FBXL7: variants seen among roughly 807,000 people sequenced by gnomAD.
FBXL7 encodes the protein F-box/LRR-repeat protein 7.
FBXL7 carries 12 observed loss-of-function variants against 38.3 expected under a neutral mutation model. The observed-to-expected ratio is 0.31, with a 90% CI of 0.20 to 0.51. The LOEUF is 0.51. Among genes scored for constraint, FBXL7 ranks in the 20% least tolerant of loss-of-function variants. The pLI is 0.98. For missense variants in FBXL7, 567 were observed against 676.4 expected, an observed-to-expected ratio of 0.84 and a Z score of 1.79; for synonymous variants, 297 against 300.9, an observed-to-expected ratio of 0.99 and a Z score of 0.13.
chr5:15,922,335 G>A (rs1439844394), intron 2 of FBXL7, among the ~76,000 whole-genome samples: 2 of 151,552 alleles, frequency 1.3e-5, no homozygotes, highest in African/African-American at 4.8e-5. Context: ...TAAAAATTGG[G>A]GCATTTTTTT....
intron 2 of FBXL7, among the ~76,000 whole-genome samples, chr5:15,783,059 A>G (rs1386011988): frequency 7.2e-5 from 11 of 152,096 alleles, no homozygotes; most frequent in Admixed American, 7.2e-4. Context: ...TGGAGCTATG[A>G]AATTTGGGGG....
intron 2 of FBXL7, among the ~76,000 whole-genome samples, chr5:15,787,171 A>G (rs1561126404): frequency 6.6e-6 from 1 of 152,128 alleles, no homozygotes; most frequent in Non-Finnish European, 1.5e-5. Flanking sequence ...GAGAGAGTAC[A>G]TTTCTGTTGT....
Position 15,851,846 on chromosome 5 carries a change from AC to A in FBXL7, c.128-76043del, listed in dbSNP as rs1739104960. Among the ~76,000 whole-genome samples, 18 of 149,752 alleles carry A rather than the reference AC, an allele frequency of 1.2e-4. No individual in the cohort carries two copies. The South Asian group carries it at 3.8e-3, about 32-fold the overall frequency. On this transcript the variant is annotated intron_variant, in intron 2 of 3. Coordinates refer to ENST00000504595, the MANE Select transcript of FBXL7 (RefSeq NM_012304.5). ...CACACACACACACACACACACACAC[AC>A]ACAAAGTTCCTTGGCTAGTTTTTTT...
intron 2 of FBXL7, among the ~76,000 whole-genome samples, chr5:15,914,153 G>A (rs1361406469): frequency 2.0e-5 from 3 of 152,212 alleles, no homozygotes; most frequent in East Asian, 1.9e-4. Context: ...TTGGGAGGCC[G>A]AGGCGGGCGG....
At position 15,612,127 on chromosome 5, in the gene FBXL7, C is replaced by T. The variant is rs372994833; in HGVS notation, c.38-3856C>T. On this transcript the variant is annotated intron_variant, in intron 1 of 3. Coordinates refer to ENST00000504595, the MANE Select transcript of FBXL7 (RefSeq NM_012304.5). Reference sequence around the variant, plus strand: ...TCCTAAGGGGACACAATCCACCCCCCCAAGAAACAATGTATTAAGCAGAAT... The same window carrying T: ...TCCTAAGGGGACACAATCCACCCCCTCAAGAAACAATGTATTAAGCAGAAT... Among the ~76,000 whole-genome samples the T allele has an allele frequency of 3.9e-3, 593 of 152,064 alleles. 6 individuals carry two copies. Among genetic ancestry groups the T allele is most frequent in the African/African-American group, 0.014 (574 of 41,458 alleles).
intron 1 of FBXL7, among the ~76,000 whole-genome samples, chr5:15,548,918 T>G (rs888228945): frequency 6.6e-6 from 1 of 152,194 alleles, no homozygotes; most frequent in Non-Finnish European, 1.5e-5. Flanking sequence ...CGGGGGTGAC[T>G]GCACCTGTAA....
intron 2 of FBXL7, among the ~76,000 whole-genome samples, chr5:15,794,966 A>G (rs1277021604): frequency 1.3e-5 from 2 of 152,180 alleles, no homozygotes; most frequent in Non-Finnish European, 1.5e-5. Flanking sequence ...GTTTTGTTTT[A>G]GCTTTATTGC....
intron 1 of FBXL7, among the ~76,000 whole-genome samples, chr5:15,533,020 G>A (rs1737473899): frequency 6.6e-6 from 1 of 152,178 alleles, no homozygotes; most frequent in Admixed American, 6.5e-5. Flanking sequence ...AAGATTTGGG[G>A]AAGGCTAATG....
At chr5:15,625,620 C>T (rs1740788222) in intron 2 of FBXL7, among the ~76,000 whole-genome samples, 1 of 152,162 alleles carries the variant, frequency 6.6e-6, no homozygotes, top group Admixed American at 6.5e-5. Flanking sequence ...CACCACTGCA[C>T]ACCAGCCTGG....
At chr5:15,610,419 T>A (rs1278751091) in intron 1 of FBXL7, among the ~76,000 whole-genome samples, 1 of 152,214 alleles carries the variant, frequency 6.6e-6, no homozygotes, top group Non-Finnish European at 1.5e-5. Flanking sequence ...CAGGGTCTAA[T>A]CTGACATTCT....
At chr5:15,793,587 A>G (rs1418359526) in intron 2 of FBXL7, among the ~76,000 whole-genome samples, 1 of 152,212 alleles carries the variant, frequency 6.6e-6, no homozygotes, top group African/African-American at 2.4e-5. Flanking sequence ...GAACATGAAC[A>G]TATCTTTATG....
chr5:15,607,638 A>G (rs534002624), intron 1 of FBXL7, among the ~76,000 whole-genome samples: 2 of 152,304 alleles, frequency 1.3e-5, no homozygotes, highest in African/African-American at 2.4e-5. Context: ...GGCACGCTCT[A>G]ACAGACAGCC....
At chr5:15,664,248 C>T (rs62347935) in intron 2 of FBXL7, among the ~76,000 whole-genome samples, 110 of 152,158 alleles carry the variant, frequency 7.2e-4, no homozygotes, top group African/African-American at 1.1e-3. Flanking sequence ...GCAGTATACA[C>T]GCATTTTTCT....
At chr5:15,542,703 T>C (rs1179982150) in intron 1 of FBXL7, among the ~76,000 whole-genome samples, 1 of 152,188 alleles carries the variant, frequency 6.6e-6, no homozygotes, top group Non-Finnish European at 1.5e-5. Context: ...AGAGATAAAC[T>C]TCAGAATCTA....
chr5:15,638,057 CAAAGAT>C (rs1741241797), intron 2 of FBXL7, among the ~76,000 whole-genome samples: 1 of 152,172 alleles, frequency 6.6e-6, no homozygotes, highest in Non-Finnish European at 1.5e-5. Flanking sequence ...TGCAAAGTGT[CAAAGAT>C]AAGAAGATGC....
At chr5:15,534,124 C>T (rs1033398584) in intron 1 of FBXL7, among the ~76,000 whole-genome samples, 8 of 152,156 alleles carry the variant, frequency 5.3e-5, no homozygotes, top group African/African-American at 1.9e-4. Flanking sequence ...TGTTGACACC[C>T]CCCCACCAGA....
chr5:15,816,527 A>G (rs1738019126), intron 2 of FBXL7, among the ~76,000 whole-genome samples: 2 of 152,180 alleles, frequency 1.3e-5, no homozygotes, highest in South Asian at 4.1e-4. Context: ...AAAACTACAT[A>G]TTGGGTACAC....
intron 2 of FBXL7, among the ~76,000 whole-genome samples, chr5:15,657,631 C>T (rs1409745049): frequency 1.3e-5 from 2 of 151,968 alleles, no homozygotes; most frequent in Non-Finnish European, 2.9e-5. Context: ...CTCATGAGTT[C>T]GAGACCAGCC....
intron 2 of FBXL7, among the ~76,000 whole-genome samples, chr5:15,867,042 C>T (rs191217768): frequency 1.4e-4 from 22 of 152,230 alleles, no homozygotes; most frequent in Admixed American, 7.9e-4. Flanking sequence ...CATAGAGCAG[C>T]GCTTTTTTTC....
Sources: allele counts gnomAD v4.1 joint callset (sites outside exome capture counted in the v4.1 genomes callset), GRCh38; gene constraint gnomAD v4.1.1; transcripts MANE v1.5; gene names NCBI Gene and HGNC (gene_info 2026-07-23, HGNC 2026-07-21).